The following CERS4 variants were observed in gnomAD, a reference collection of about 807,000 sequenced individuals.
CERS4 encodes the protein ceramide synthase 4, also known as LAG1 homolog, ceramide synthase 4.
In CERS4, 65 loss-of-function variants were observed where a neutral mutation model predicts 51.8. That is an observed-to-expected ratio of 1.26 (90% CI 1.03 to 1.54). The LOEUF (loss-of-function observed/expected upper bound fraction) is 1.54, where lower values mean the gene tolerates loss of function less well. Among genes scored for constraint, CERS4 ranks in the 40% most tolerant of loss-of-function variants. The pLI is 0.00. For missense variants in CERS4, 563 were observed against 500.4 expected, an observed-to-expected ratio of 1.13 and a Z score of -1.19; for synonymous variants, 228 against 208.4, an observed-to-expected ratio of 1.09 and a Z score of -0.81.
At chr19:8,217,341 CAG>C (rs1196420894) in intron 2 of CERS4, among the ~76,000 whole-genome samples, 1 of 151,956 alleles carries the variant, frequency 6.6e-6, no homozygotes, top group Non-Finnish European at 1.5e-5. Flanking sequence ...GGAAAACAAT[CAG>C]AGACACTGAA....
chr19:8,261,457 T>C (rs757154883), intron 10 of CERS4: 3 of 567,394 alleles, frequency 5.3e-6, no homozygotes, highest in Non-Finnish European at 9.4e-6. Flanking sequence ...GTGGGGTTCA[T>C]AGTCATGAAT....
At chr19:8,228,985 T>C (rs1967898185) in intron 2 of CERS4, among the ~76,000 whole-genome samples, 1 of 148,550 alleles carries the variant, frequency 6.7e-6, no homozygotes, top group Non-Finnish European at 1.5e-5. Flanking sequence ...GATTGCGCCA[T>C]TGCACACACC....
intron 2 of CERS4, among the ~76,000 whole-genome samples, chr19:8,246,788 A>G (rs1258546481): frequency 6.6e-6 from 1 of 152,064 alleles, no homozygotes; most frequent in African/African-American, 2.4e-5. Context: ...TGGAATGCAA[A>G]GGGGAGAATC....
intron 10 of CERS4, among the ~76,000 whole-genome samples, chr19:8,259,152 G>A (rs971564815): frequency 1.7e-4 from 26 of 152,172 alleles, no homozygotes; most frequent in African/African-American, 6.0e-4. Flanking sequence ...AAAAAGTCAG[G>A]AAGGGAGCAG....
chr19:8,213,645 C>A (rs932049981), intron 2 of CERS4, among the ~76,000 whole-genome samples: 3 of 152,064 alleles, frequency 2.0e-5, no homozygotes, highest in African/African-American at 7.2e-5. Flanking sequence ...GAATAGGCCC[C>A]TCAGACCCAT....
chr19:8,227,418 G>A (rs1057013516), intron 2 of CERS4, among the ~76,000 whole-genome samples: 1 of 151,880 alleles, frequency 6.6e-6, no homozygotes, highest in Non-Finnish European at 1.5e-5. Context: ...TGCAACCTCT[G>A]CCTTGATCTT....
chr19:8,237,002 CAAAAAAAAAAAAAA>C (rs781273995), intron 2 of CERS4, among the ~76,000 whole-genome samples: 3 of 44,968 alleles, frequency 6.7e-5, no homozygotes, highest in African/African-American at 1.5e-4. Flanking sequence ...GACTCTGTCT[CAAAAAAAAAAAAAA>C]AAAAAAAAAA....
intron 2 of CERS4, among the ~76,000 whole-genome samples, chr19:8,241,177 C>G (rs530299763): frequency 6.6e-6 from 1 of 152,162 alleles, no homozygotes; most frequent in Non-Finnish European, 1.5e-5. Flanking sequence ...CCTTAGGCAC[C>G]TCAGATGCTG....
intron 2 of CERS4, among the ~76,000 whole-genome samples, chr19:8,221,569 G>A (rs1252252381): frequency 2.7e-5 from 4 of 148,772 alleles, no homozygotes; most frequent in Admixed American, 6.8e-5. Context: ...TTTTTGAGAC[G>A]GAATCTTGCT....
At chr19:8,239,220 G>C (rs1455727342) in intron 2 of CERS4, 1 of 151,902 alleles carries the variant, frequency 6.6e-6, no homozygotes. Flanking sequence ...TGGCCAGCAT[G>C]GTGAAACTCC....
chr19:8,246,892 G>A (rs753949055), intron 2 of CERS4, among the ~76,000 whole-genome samples: 7 of 152,202 alleles, frequency 4.6e-5, no homozygotes, highest in Admixed American at 1.3e-4. Flanking sequence ...AAGGCCGGGC[G>A]CGGTGGCTCA....
chr19:8,217,301 C>T (rs1399108636), intron 2 of CERS4, among the ~76,000 whole-genome samples: 7 of 151,990 alleles, frequency 4.6e-5, no homozygotes, highest in Non-Finnish European at 8.8e-5. Context: ...TGTCTTTGGG[C>T]AGTTACAAGG....
chr19:8,212,421 T>C (rs1967116659), intron 2 of CERS4, among the ~76,000 whole-genome samples: 1 of 152,046 alleles, frequency 6.6e-6, no homozygotes, highest in South Asian at 2.1e-4. Context: ...TCTCAGCATC[T>C]GGAAATTGCC....
rs576981883 is a variant in CERS4 at position 8,248,328 on chromosome 19, C to T, written c.-1-2748C>T. Among the ~76,000 whole-genome samples, 20 of 151,786 alleles carry T rather than the reference C, an allele frequency of 1.3e-4. No homozygotes were observed. In the East Asian group the frequency reaches 2.7e-3, roughly 21 times the overall value. ...CTGGATGGATGGATGGACAGACAGACGGATAGATGCAACGACAGATGGATA... is the reference window on the plus strand; with the variant it reads ...CTGGATGGATGGATGGACAGACAGATGGATAGATGCAACGACAGATGGATA... On this transcript the variant is annotated intron_variant, in intron 2 of 11. Coordinates refer to ENST00000251363, the MANE Select transcript of CERS4 (RefSeq NM_024552.3).
intron 2 of CERS4, among the ~76,000 whole-genome samples, chr19:8,245,835 C>T (rs184351738): frequency 4.8e-5 from 7 of 145,476 alleles, no homozygotes; most frequent in Admixed American, 2.1e-4. Context: ...CCACCATGCC[C>T]GGCCTATTTT....
chr19:8,230,190 CT>C (rs113068978), intron 2 of CERS4, among the ~76,000 whole-genome samples: 6,364 of 148,808 alleles, frequency 0.043, 139 homozygotes, highest in South Asian at 0.059. Flanking sequence ...CTTTTTTTTT[CT>C]TTTTTTTTCT....
chr19:8,241,714 G>A (rs1968546905), intron 2 of CERS4, among the ~76,000 whole-genome samples: 3 of 152,148 alleles, frequency 2.0e-5, no homozygotes, highest in African/African-American at 4.8e-5. Flanking sequence ...GATAGGCCAC[G>A]TTCCATGCCT....
At chr19:8,234,160 G>C (rs1157412869) in intron 2 of CERS4, among the ~76,000 whole-genome samples, 1 of 152,132 alleles carries the variant, frequency 6.6e-6, no homozygotes, top group Non-Finnish European at 1.5e-5. Context: ...CAAAAAATTA[G>C]CCGGGCATGG....
At chr19:8,213,618 T>C (rs1007732063) in intron 2 of CERS4, among the ~76,000 whole-genome samples, 1 of 152,080 alleles carries the variant, frequency 6.6e-6, no homozygotes, top group African/African-American at 2.4e-5. Context: ...AAGCGCAGGC[T>C]TTTCTTTGCC....
Sources: gnomAD v4.1 joint callset for allele counts (sites outside exome capture counted in the v4.1 genomes callset) on GRCh38, gnomAD v4.1.1 for gene constraint, MANE v1.5 for transcripts, NCBI Gene and HGNC (gene_info 2026-07-23, HGNC 2026-07-21) for gene names.